The following SDCCAG8 variants were observed in gnomAD, a reference collection of about 807,000 sequenced individuals.
SDCCAG8 encodes SHH signaling and ciliogenesis regulator SDCCAG8, also known as serologically defined colon cancer antigen 8.
Under a neutral mutation model 101.8 loss-of-function variants are expected in SDCCAG8, and 74 were observed. The observed-to-expected ratio is 0.73, with a 90% confidence interval of 0.60 to 0.88. SDCCAG8 has a LOEUF of 0.88. Ranked by LOEUF, SDCCAG8 falls within the 40% of genes least tolerant of loss-of-function variation. SDCCAG8 has a pLI of 0.00. For synonymous variants in SDCCAG8, 281 were observed against 292.9 expected, an observed-to-expected ratio of 0.96 and a Z score of 0.41; for missense variants, 787 against 822.6, an observed-to-expected ratio of 0.96 and a Z score of 0.53.
At chr1:243,484,639 G>A (rs1319953209) in intron 16 of SDCCAG8, among the ~76,000 whole-genome samples, 1 of 152,188 alleles carries the variant, frequency 6.6e-6, no homozygotes, top group Non-Finnish European at 1.5e-5. Flanking sequence ...TGTTTGAGTT[G>A]AGCATGTTTT....
rs757455834 is a variant in SDCCAG8 at position 243,489,011 on chromosome 1, C to T, written c.1986-3C>T. ...TTTAATTCTGCGGTGGATTTTTCTC[C>T]AGGCTAAGGCAGCTGGATAAGCACA... On this transcript the variant is annotated splice_polypyrimidine_tract_variant and splice_region_variant and intron_variant, in intron 16 of 17. Coordinates refer to ENST00000366541, the MANE Select transcript of SDCCAG8 (RefSeq NM_006642.5). The T allele has an allele frequency of 1.3e-5, 21 of 1,613,234 alleles. 1 individual carries two copies. The East Asian group carries it at 3.1e-4, about 24-fold the overall frequency.
At chr1:243,259,301 G>A (rs2149246016) in intron 1 of SDCCAG8, among the ~76,000 whole-genome samples, 1 of 152,186 alleles carries the variant, frequency 6.6e-6, no homozygotes, top group African/African-American at 2.4e-5. Context: ...CAGCTACTCA[G>A]GAGGCTGAGG....
chr1:243,451,325 C>A (rs1237889763), intron 16 of SDCCAG8, among the ~76,000 whole-genome samples: 1 of 152,162 alleles, frequency 6.6e-6, no homozygotes, highest in African/African-American at 2.4e-5. Flanking sequence ...CATGCCATAC[C>A]TCCCTTAGAA....
At chr1:243,429,008 C>A (rs1418180920) in intron 16 of SDCCAG8, among the ~76,000 whole-genome samples, 1 of 152,130 alleles carries the variant, frequency 6.6e-6, no homozygotes, top group Non-Finnish European at 1.5e-5. Flanking sequence ...TAGTGCAATA[C>A]ATAAACCTTG....
intron 13 of SDCCAG8, among the ~76,000 whole-genome samples, chr1:243,411,827 G>C (rs2080202692): frequency 1.3e-5 from 2 of 152,172 alleles, no homozygotes; most frequent in Admixed American, 1.3e-4. Context: ...CCATTGAACA[G>C]TTGATGCACG....
intron 1 of SDCCAG8, chr1:243,267,628 T>A: frequency 3.1e-6 from 2 of 650,256 alleles, no homozygotes; most frequent in Admixed American, 2.3e-5. Flanking sequence ...AAAGTCCCGG[T>A]CAACTGTGGG....
chr1:243,301,311 G>T lies in SDCCAG8; in HGVS notation c.676-3402G>T, dbSNP rs561810711. ...CAGTTAATCTCTGCATAAACAGTTT[G>T]TCTTTCCAGTAAATTGCATATCACA... On this transcript the variant is annotated intron_variant, in intron 6 of 17. Coordinates refer to ENST00000366541, the MANE Select transcript of SDCCAG8 (RefSeq NM_006642.5). Among the ~76,000 whole-genome samples the T allele has an allele frequency of 7.2e-5, 11 of 152,148 alleles. No homozygotes were observed. In the South Asian group the frequency reaches 2.3e-3, roughly 32 times the overall value.
intron 9 of SDCCAG8, 124 bp downstream of exon 9, chr1:243,317,017 A>T (rs543631756): frequency 2.0e-6 from 2 of 1,014,244 alleles, no homozygotes; most frequent in African/African-American, 3.3e-5. Flanking sequence ...TGAATTATCA[A>T]TCTGTTAATG....
At chr1:243,496,669 C>A (rs1667992163) in intron 17 of SDCCAG8, among the ~76,000 whole-genome samples, 2 of 152,228 alleles carry the variant, frequency 1.3e-5, no homozygotes, top group African/African-American at 2.4e-5. Context: ...TCTCCCCGGG[C>A]TGCCACTTCT....
chr1:243,382,605 C>T lies in SDCCAG8; in HGVS notation c.1616+3742C>T, dbSNP rs993277357. On this transcript the variant is annotated intron_variant, in intron 13 of 17. Transcript: ENST00000366541. Reference sequence around the variant, plus strand: ...CCTTTACAGAAAAGTGTACCAACTCCTCAGGAGGCTGTTTAGTTCAAGTAA... The same window carrying T: ...CCTTTACAGAAAAGTGTACCAACTCTTCAGGAGGCTGTTTAGTTCAAGTAA... Among the ~76,000 whole-genome samples the T allele has an allele frequency of 2.0e-5, 3 of 152,160 alleles. No homozygotes were observed. The East Asian group carries it at 5.8e-4, about 29-fold the overall frequency.
At chr1:243,423,033 A>G (rs1431943187) in intron 15 of SDCCAG8, among the ~76,000 whole-genome samples, 1 of 152,184 alleles carries the variant, frequency 6.6e-6, no homozygotes, top group Admixed American at 6.5e-5. Flanking sequence ...TACTAGTTCT[A>G]GGAACATATC....
At chr1:243,382,978 C>G (rs1445082765) in intron 13 of SDCCAG8, among the ~76,000 whole-genome samples, 1 of 152,052 alleles carries the variant, frequency 6.6e-6, no homozygotes, top group Non-Finnish European at 1.5e-5. Flanking sequence ...ATTGTGCAAC[C>G]CCAGTGGAGA....
At chr1:243,275,862 T>TG (rs2068512802) in intron 4 of SDCCAG8, among the ~76,000 whole-genome samples, 1 of 132,534 alleles carries the variant, frequency 7.5e-6, no homozygotes, top group South Asian at 2.7e-4. Context: ...CAATGTTTTT[T>TG]TTTTTTTTTT....
At chr1:243,464,831 T>C (rs1200062080) in intron 16 of SDCCAG8, among the ~76,000 whole-genome samples, 2 of 152,242 alleles carry the variant, frequency 1.3e-5, no homozygotes, top group African/African-American at 4.8e-5. Context: ...CAAGTCCTGG[T>C]CACCCCATCG....
intron 16 of SDCCAG8, among the ~76,000 whole-genome samples, chr1:243,460,995 T>G (rs963580564): frequency 1.3e-5 from 2 of 152,184 alleles, no homozygotes; most frequent in African/African-American, 4.8e-5. Context: ...TAATTATCAC[T>G]AGTCAAATGA....
chr1:243,462,446 G>T (rs1659313048), intron 16 of SDCCAG8, among the ~76,000 whole-genome samples: 1 of 152,222 alleles, frequency 6.6e-6, no homozygotes, highest in Non-Finnish European at 1.5e-5. Flanking sequence ...AACCAGTGAG[G>T]TTTCCCTCCT....
chr1:243,427,959 T>A (rs1327659051), intron 16 of SDCCAG8, among the ~76,000 whole-genome samples: 1 of 152,190 alleles, frequency 6.6e-6, no homozygotes, highest in Non-Finnish European at 1.5e-5. Context: ...TTGTTTTGTG[T>A]TTTTTACAAC....
chr1:243,468,759 C>A (rs1191267952), intron 16 of SDCCAG8, among the ~76,000 whole-genome samples: 1 of 152,308 alleles, frequency 6.6e-6, no homozygotes, highest in East Asian at 1.9e-4. Flanking sequence ...AGAAAGAGCT[C>A]AATACATATT....
At chr1:243,429,338 C>A (rs2081558401) in intron 16 of SDCCAG8, among the ~76,000 whole-genome samples, 1 of 151,850 alleles carries the variant, frequency 6.6e-6, no homozygotes, top group Non-Finnish European at 1.5e-5. Flanking sequence ...GTTAATCAAC[C>A]ATTTATGTTA....
Sources: gnomAD v4.1 joint callset for allele counts (sites outside exome capture counted in the v4.1 genomes callset) on GRCh38, gnomAD v4.1.1 for gene constraint, MANE v1.5 for transcripts, NCBI Gene and HGNC (gene_info 2026-07-23, HGNC 2026-07-21) for gene names.